The following SCMH1 variants were observed in gnomAD, a reference collection of about 807,000 sequenced individuals.
SCMH1 encodes the protein polycomb protein SCMH1.
A neutral mutation model predicts 70.8 loss-of-function variants in SCMH1; 37 were observed. The observed-to-expected ratio is 0.52, with a 90% CI of 0.40 to 0.69. The LOEUF is 0.69. SCMH1 is among the 30% of genes least tolerant of loss of function. SCMH1 has a pLI of 0.00. For synonymous variants in SCMH1, 292 were observed against 307.4 expected (o/e 0.95, Z 0.52); for missense variants, 607 against 827.3 (o/e 0.73, Z 3.27).
intron 1 of SCMH1, among the ~76,000 whole-genome samples, chr1:41,192,066 T>C (rs904747304): frequency 6.6e-6 from 1 of 152,196 alleles, no homozygotes; most frequent in African/African-American, 2.4e-5. Context: ...TTAAACGCAA[T>C]GACTGACTAT....
At chr1:41,203,876 C>T (rs535345767) in intron 1 of SCMH1, among the ~76,000 whole-genome samples, 36 of 152,298 alleles carry the variant, frequency 2.4e-4, no homozygotes, top group Admixed American at 1.8e-3. Flanking sequence ...TTAATAAATA[C>T]GTGGGTAAAT....
chr1:41,160,051 C>T (rs1645886620), intron 4 of SCMH1: 1 of 250,852 alleles, frequency 4.0e-6, no homozygotes, highest in Non-Finnish European at 7.5e-6. Flanking sequence ...GGAGTTCTGA[C>T]TCCTAGTCTA....
chr1:41,219,651 C>T (rs149289890), intron 1 of SCMH1, among the ~76,000 whole-genome samples: 3,941 of 152,260 alleles, frequency 0.026, 262 homozygotes, highest in Admixed American at 0.16. Flanking sequence ...AAAACGTGGC[C>T]GGGCACGGTG....
intron 4 of SCMH1, among the ~76,000 whole-genome samples, chr1:41,158,585 G>A (rs562288067): frequency 6.6e-6 from 1 of 152,290 alleles, no homozygotes; most frequent in Non-Finnish European, 1.5e-5. Flanking sequence ...CTGCTGGGTG[G>A]AGTTTACAGA....
At chr1:41,158,472 A>G (rs750617601) in intron 4 of SCMH1, among the ~76,000 whole-genome samples, 8 of 152,258 alleles carry the variant, frequency 5.3e-5, no homozygotes, top group African/African-American at 2.4e-5. Flanking sequence ...GCAGGAGTCA[A>G]AGAAAAAGGA....
At chr1:41,239,838 G>A (rs12126982) in intron 1 of SCMH1, among the ~76,000 whole-genome samples, 3 of 152,028 alleles carry the variant, frequency 2.0e-5, no homozygotes, top group African/African-American at 4.8e-5. Flanking sequence ...GTCTTGCTAC[G>A]TAGCCCAGGC....
At chr1:41,039,048 G>A (rs192556290) in intron 12 of SCMH1, among the ~76,000 whole-genome samples, 4 of 152,342 alleles carry the variant, frequency 2.6e-5, no homozygotes, top group East Asian at 3.9e-4. Flanking sequence ...TTCATTCGGA[G>A]TTGAAGTGGC....
chr1:41,064,800 T>C (rs1654011356), intron 10 of SCMH1, among the ~76,000 whole-genome samples: 1 of 151,864 alleles, frequency 6.6e-6, no homozygotes, highest in Non-Finnish European at 1.5e-5. Context: ...ATGTCTGTAG[T>C]TCTAGCTACC....
At chr1:41,101,530 G>A (rs479493) in intron 8 of SCMH1, among the ~76,000 whole-genome samples, 98,682 of 152,092 alleles carry the variant, frequency 0.65, 33,551 homozygotes, top group African/African-American at 0.86. Context: ...AAGATGTAAA[G>A]CTCATTCTGG....
intron 1 of SCMH1, among the ~76,000 whole-genome samples, chr1:41,228,234 C>T (rs1242907506): frequency 2.0e-5 from 3 of 152,096 alleles, no homozygotes; most frequent in African/African-American, 7.2e-5. Flanking sequence ...TGGCTCCTTC[C>T]TCTTTGCTGC....
At chr1:41,043,818 T>C (rs1050052452) in intron 12 of SCMH1, 2 of 152,082 alleles carry the variant, frequency 1.3e-5, no homozygotes, top group Non-Finnish European at 2.9e-5. Context: ...CAAAAGTATT[T>C]AAGGATAAAA....
intron 13 of SCMH1, 118 bp from the exon 14 acceptor site, chr1:41,034,166 G>A: frequency 2.1e-6 from 3 of 1,398,434 alleles, no homozygotes. Flanking sequence ...AGGGAGCCGA[G>A]GCTAGAATCA....
At chr1:41,142,238 T>A (rs1205646000) in intron 6 of SCMH1, among the ~76,000 whole-genome samples, 3 of 152,068 alleles carry the variant, frequency 2.0e-5, no homozygotes, top group Admixed American at 6.6e-5. Flanking sequence ...ATAGTCAAAG[T>A]CCATAATCTA....
At chr1:41,060,716 C>T (rs923478542) in intron 10 of SCMH1, among the ~76,000 whole-genome samples, 1 of 152,186 alleles carries the variant, frequency 6.6e-6, no homozygotes, top group African/African-American at 2.4e-5. Flanking sequence ...ACTATCGTAA[C>T]TCACTGCAGC....
chr1:41,241,893 C>G (rs918899602), intron 1 of SCMH1, among the ~76,000 whole-genome samples, 166 bp downstream of exon 1: 6 of 151,866 alleles, frequency 4.0e-5, no homozygotes, highest in Non-Finnish European at 8.8e-5. Flanking sequence ...GGCCCAGCCC[C>G]GCGCGGACCA....
intron 8 of SCMH1, among the ~76,000 whole-genome samples, chr1:41,093,123 C>A (rs1238538458): frequency 6.6e-6 from 1 of 151,936 alleles, no homozygotes; most frequent in African/African-American, 2.4e-5. Context: ...GGAACCAACC[C>A]AAATGTCCAT....
At chr1:41,220,299 C>T (rs1312765406) in intron 1 of SCMH1, among the ~76,000 whole-genome samples, 1 of 152,188 alleles carries the variant, frequency 6.6e-6, no homozygotes, top group Non-Finnish European at 1.5e-5. Flanking sequence ...GGAGTTTTAC[C>T]AGAGTTTATG....
intron 1 of SCMH1, among the ~76,000 whole-genome samples, chr1:41,213,838 T>A (rs148363000): frequency 0.016 from 2,498 of 152,230 alleles, 27 homozygotes; most frequent in South Asian, 0.03. Flanking sequence ...GCCATGAACC[T>A]AGGACAGGTG....
rs534353604 is a variant in SCMH1 at position 41,222,060 on chromosome 1, A to G, written c.-118+19999T>C. Among the ~76,000 whole-genome samples the G allele has an allele frequency of 2.0e-5, 3 of 152,196 alleles. No individual in the cohort carries two copies. The South Asian group carries it at 6.2e-4, about 32-fold the overall frequency. ...ACTGGCAGCATTAAGTCAAAGAGATATACCTATATCTGGTTTTAGGAAACA... is the reference window on the plus strand; with the variant it reads ...ACTGGCAGCATTAAGTCAAAGAGATGTACCTATATCTGGTTTTAGGAAACA... On this transcript the variant is annotated intron_variant, in intron 1 of 14. Transcript: ENST00000337495.
Sources: gnomAD v4.1 joint callset for allele counts (sites outside exome capture counted in the v4.1 genomes callset) on GRCh38, gnomAD v4.1.1 for gene constraint, MANE v1.5 for transcripts, NCBI Gene and HGNC (gene_info 2026-07-23, HGNC 2026-07-21) for gene names.